Variants in CCL24 observed in about 807,000 individuals in gnomAD.
The protein encoded by CCL24 is C-C motif chemokine ligand 24.
In CCL24, 6 loss-of-function variants were observed where a neutral mutation model predicts 8.6. That is an observed-to-expected ratio of 0.70 (90% CI 0.38 to 1.38). The LOEUF is 1.38. Among genes scored for constraint, CCL24 ranks in the 40% most tolerant of loss-of-function variants. The probability of loss-of-function intolerance (pLI) is 0.02; values close to 1 mark genes in which losing one functional copy is unlikely to be tolerated. For missense variants in CCL24, 126 were observed against 147.1 expected, an observed-to-expected ratio of 0.86 and a Z score of 0.74; for synonymous variants, 59 against 52.7, an observed-to-expected ratio of 1.12 and a Z score of -0.52.
upstream of CCL24, chr7:75,813,943 G>A: frequency 2.3e-6 from 1 of 436,418 alleles, no homozygotes; most frequent in Non-Finnish European, 4.3e-6. Context: ...TTGCCCAGCT[G>A]AGTCAAGGGT....
intron 1 of CCL24, among the ~76,000 whole-genome samples, chr7:75,818,936 A>C (rs926339381): frequency 4.0e-5 from 6 of 151,410 alleles, no homozygotes; most frequent in Non-Finnish European, 8.8e-5. Flanking sequence ...ACTTTAAGGA[A>C]CTTTATATAT....
At position 75,811,125 on chromosome 7, in the gene CCL24, A is replaced by C; in HGVS notation, c.*671T>G. ...ACTACCCAGGCTGGCCCTTCACCCC[A>C]GTCCTCCACGTTCATTTCCTTTAAA... is the stretch of plus-strand genomic sequence containing the variant. On this transcript the variant is annotated 3_prime_UTR_variant, in exon 3 of 3. Transcript: ENST00000222902. Among the ~76,000 whole-genome samples the C allele has an allele frequency of 6.6e-6, 1 of 151,358 alleles. No individual in the cohort carries two copies.
intron 1 of CCL24, among the ~76,000 whole-genome samples, chr7:75,819,326 A>T (rs1803976120): frequency 1.2e-5 from 1 of 84,670 alleles, no homozygotes; most frequent in Non-Finnish European, 2.4e-5. Context: ...ATATATATAT[A>T]TATATATATA....
At chr7:75,820,449 G>C (rs1391187845) in intron 1 of CCL24, among the ~76,000 whole-genome samples, 1 of 152,098 alleles carries the variant, frequency 6.6e-6, no homozygotes, top group African/African-American at 2.4e-5. Context: ...CCAAAGTGCT[G>C]GGATAACAGG....
upstream of CCL24, among the ~76,000 whole-genome samples, chr7:75,816,938 C>T (rs1258569810): frequency 3.3e-5 from 5 of 151,784 alleles, no homozygotes; most frequent in African/African-American, 1.2e-4. Flanking sequence ...GATCATAGCT[C>T]ATTGCAGCTT....
chr7:75,812,899 C>T (rs1246433011), intron 2 of CCL24, among the ~76,000 whole-genome samples: 1 of 151,398 alleles, frequency 6.6e-6, no homozygotes, highest in African/African-American at 2.4e-5. Context: ...CACTGCACTC[C>T]AGCTTGGGTG....
intron 1 of CCL24, 107 bp downstream of exon 1, chr7:75,813,536 C>G: frequency 7.9e-7 from 1 of 1,269,366 alleles, no homozygotes; most frequent in South Asian, 1.2e-5. Flanking sequence ...TTCACTGGGC[C>G]ACCCTTTCCC....
At chr7:75,821,927 C>CAAAA (rs1287627655) in intron 1 of CCL24, among the ~76,000 whole-genome samples, 1 of 74,208 alleles carries the variant, frequency 1.3e-5, no homozygotes, top group Non-Finnish European at 3.0e-5. Context: ...GACTCCGTCT[C>CAAAA]AAAAAAAAAA....
intron 1 of CCL24, among the ~76,000 whole-genome samples, chr7:75,822,844 G>T (rs1369036044): frequency 6.6e-6 from 1 of 152,000 alleles, no homozygotes; most frequent in Non-Finnish European, 1.5e-5. Context: ...AGAAAAAAAA[G>T]AAAAGAAAAC....
At chr7:75,813,970 C>T (rs11465287), upstream of CCL24, among the ~76,000 whole-genome samples, 814 of 152,126 alleles carry the variant, frequency 5.4e-3, 4 homozygotes, top group Non-Finnish European at 6.7e-3. Flanking sequence ...GGGCTCCGAA[C>T]GAAAGAACTG....
In CCL24 at chr7:75,813,438, A is replaced by T; in HGVS notation, c.74-15T>A. 3 of 1,572,412 alleles carry T rather than the reference A, an allele frequency of 1.9e-6. No homozygotes were observed. Among genetic ancestry groups the T allele is most frequent in the Non-Finnish European group, 2.6e-6 (3 of 1,142,932 alleles). ...GACCACAGAGCCTAGAAGAGGAGAG[A>T]GAGAAGAGCCACGTCTTTTCCCAGC... On this transcript the variant is annotated splice_polypyrimidine_tract_variant and intron_variant, in intron 1 of 2. Transcript: ENST00000222902.
chr7:75,819,326 ATATATATATATTC>A (rs2115805796), intron 1 of CCL24, among the ~76,000 whole-genome samples: 1 of 84,672 alleles, frequency 1.2e-5, no homozygotes, highest in South Asian at 4.1e-4. Context: ...ATATATATAT[ATATATATATATTC>A]ATAGGCTGGG....
In CCL24 at chr7:75,811,102, T is replaced by A. The variant is rs889563550; in HGVS notation, c.*694A>T. Among the ~76,000 whole-genome samples the A allele has an allele frequency of 6.6e-6, 1 of 150,958 alleles. No homozygotes were observed. Among genetic ancestry groups the A allele is most frequent in the Non-Finnish European group, 1.5e-5 (1 of 67,852 alleles). ...TCATGTCTTCCCAAAAAGATTAAAC[T>A]ACCCAGGCTGGCCCTTCACCCCAGT... On this transcript the variant is annotated 3_prime_UTR_variant, in exon 3 of 3. Transcript: ENST00000222902.
chr7:75,811,711 C>A lies in CCL24; in HGVS notation c.*85G>T, dbSNP rs11465316. 7.4e-5 allele frequency: 90 copies of A among 1,221,766 alleles called. 2 individuals carry two copies. In the Middle Eastern group the frequency reaches 1.2e-3, roughly 16 times the overall value. 75.7% of individuals were successfully genotyped at this position (1,221,766 alleles called of 1,614,324 possible). A position where few individuals can be genotyped will look rare whatever the true frequency, so the allele number is the denominator to read the frequency against. The stretch of plus-strand genomic sequence containing the variant: ...TAAGAAACAGGAAAATTAGCTCTTC[C>A]CCCCATCACTGTGGCTTCTCCAGGC... On this transcript the variant is annotated 3_prime_UTR_variant, in exon 3 of 3. Coordinates refer to ENST00000222902, the MANE Select transcript of CCL24 (RefSeq NM_002991.3).
intron 1 of CCL24, among the ~76,000 whole-genome samples, chr7:75,821,019 C>G (rs1804040060): frequency 6.6e-6 from 1 of 152,104 alleles, no homozygotes; most frequent in Non-Finnish European, 1.5e-5. Flanking sequence ...CCAAGAAAAA[C>G]TATATACAGG....
chr7:75,821,158 A>G (rs1554535052), intron 1 of CCL24, among the ~76,000 whole-genome samples: 2 of 152,102 alleles, frequency 1.3e-5, no homozygotes, highest in African/African-American at 4.8e-5. Flanking sequence ...AAACTTCCTG[A>G]AGGAGGTGCC....
upstream of CCL24, among the ~76,000 whole-genome samples, chr7:75,817,340 T>C (rs1212586028): frequency 6.7e-6 from 1 of 150,010 alleles, no homozygotes; most frequent in East Asian, 2.0e-4. Flanking sequence ...AGGAGAAGAG[T>C]GAGGCTGGGG....
chr7:75,820,469 C>A (rs1804022753), intron 1 of CCL24, among the ~76,000 whole-genome samples: 1 of 152,184 alleles, frequency 6.6e-6, no homozygotes, highest in African/African-American at 2.4e-5. Context: ...GCATGAGCCA[C>A]CTCGCCTGGC....
upstream of CCL24, among the ~76,000 whole-genome samples, chr7:75,818,243 C>A (rs1803934964): frequency 6.6e-6 from 1 of 152,024 alleles, no homozygotes; most frequent in African/African-American, 2.4e-5. Context: ...CAGACACCAT[C>A]ACAGGGCCAC....
Sources: allele counts gnomAD v4.1 joint callset (sites outside exome capture counted in the v4.1 genomes callset), GRCh38; gene constraint gnomAD v4.1.1; transcripts MANE v1.5; gene names NCBI Gene and HGNC (gene_info 2026-07-23, HGNC 2026-07-21).